The following SMTN variants were observed in gnomAD, a reference collection of about 807,000 sequenced individuals.
The protein encoded by SMTN is smoothelin.
Under a neutral mutation model 102.0 loss-of-function variants are expected in SMTN, and 58 were observed. The ratio of observed to expected loss-of-function variants is 0.57; its 90% CI spans 0.46 to 0.71. The LOEUF (loss-of-function observed/expected upper bound fraction) is 0.71. SMTN is among the 30% of genes least tolerant of loss of function. The pLI, the probability that SMTN is intolerant of heterozygous loss-of-function variation, is 0.00. For synonymous variants in SMTN, 478 were observed against 497.9 expected (o/e 0.96, Z 0.53); for missense variants, 1,185 against 1,241.7 (o/e 0.95, Z 0.69).
intron 11 of SMTN, chr22:31,093,866 GC>G: frequency 6.4e-7 from 1 of 1,573,272 alleles, no homozygotes; most frequent in Non-Finnish European, 8.6e-7. Flanking sequence ...ACCACCCGCA[GC>G]ACTAGTCTCG....
At chr22:31,094,177 T>C (rs951265307) in intron 11 of SMTN, among the ~76,000 whole-genome samples, 3 of 152,164 alleles carry the variant, frequency 2.0e-5, no homozygotes, top group Non-Finnish European at 4.4e-5. Flanking sequence ...CTTACCCTTA[T>C]AGCAGACGGA....
In SMTN at chr22:31,090,889, AT is replaced by A; in HGVS notation, c.937+12del. On this transcript the variant is annotated intron_variant, in intron 9 of 20. Coordinates refer to ENST00000333137, the MANE Select transcript of SMTN (RefSeq NM_134269.3). ...CCAGCCCAGAACCGAGGTACTACCT[AT>A]TCTCACCCTGCCTAGGATCTGTGCA... The A allele has an allele frequency of 6.2e-7, 1 of 1,613,680 alleles. No homozygotes were observed. Among genetic ancestry groups the A allele is most frequent in the South Asian group, 1.1e-5 (1 of 91,068 alleles).
rs766345930 is a variant in SMTN, at chr22:31,091,492, C to T, written c.1459+10C>T. ...GGCAACCAGAGGGCAGGTAGGCGCC[C>T]CCCACTGCCTCCCCAATGGGGATGA... On this transcript the variant is annotated intron_variant, in intron 10 of 20. Coordinates refer to ENST00000333137, the MANE Select transcript of SMTN (RefSeq NM_134269.3). 2.6e-6 allele frequency: 4 copies of T among 1,518,190 alleles called. No individual in the cohort carries two copies. Among genetic ancestry groups the T allele is most frequent in the Non-Finnish European group, 2.6e-6 (3 of 1,136,854 alleles). 94.0% of individuals were successfully genotyped at this position (1,518,190 alleles called of 1,614,324 possible). A position where few individuals can be genotyped will look rare whatever the true frequency, so the allele number is the denominator to read the frequency against.
At chr22:31,080,974 A>C (rs2042266683), upstream of SMTN, among the ~76,000 whole-genome samples, 1 of 151,982 alleles carries the variant, frequency 6.6e-6, no homozygotes, top group Admixed American at 6.5e-5. Flanking sequence ...CTCAGGAACA[A>C]AGAGGAGGGC....
At position 31,083,193 on chromosome 22, in the gene SMTN, G is replaced by A; in HGVS notation, c.-66G>A. 3.2e-6 allele frequency: 5 copies of A among 1,576,934 alleles called. No individual in the cohort carries two copies. Among genetic ancestry groups the A allele is most frequent in the Non-Finnish European group, 3.4e-6 (4 of 1,162,024 alleles). The stretch of plus-strand genomic sequence containing the variant: ...GTCCCCTGCAGAATTCTCTGAGCTG[G>A]TGACAGGTGCCACAGGCACTGGGGA... On this transcript the variant is annotated 5_prime_UTR_variant, in exon 2 of 21. In the 5' UTR this introduces an upstream ATG that the reference lacks. Coordinates refer to ENST00000333137, the MANE Select transcript of SMTN (RefSeq NM_134269.3).
rs540363601 is a variant in SMTN at position 31,100,894 on chromosome 22, G to A, written c.2613G>A (p.Ala871=). 1.3e-4 allele frequency: 194 copies of A among 1,485,668 alleles called. 1 individual carries two copies. In the Admixed American group the frequency reaches 2.2e-3, roughly 17 times the overall value. The allele number at this position is 1,485,668 out of a possible 1,614,324, so 92.0% of individuals were successfully genotyped here. The part of the protein sequence containing the change: ...EVAFSSAETH[A]DCPQLLDTED... The stretch of plus-strand genomic sequence containing the variant: ...CCCCTACCCTCCCCAGGACCCATGC[G>A]GACTGCCCGCAGCTCCTGGATACAG... Residue 871 remains alanine (A), a synonymous_variant, in exon 20 of 21, where the codon GCG becomes GCA. Coordinates refer to ENST00000333137, the MANE Select transcript of SMTN (RefSeq NM_134269.3).
At chr22:31,089,150 G>C (rs1345143151) in intron 6 of SMTN, among the ~76,000 whole-genome samples, 181 bp downstream of exon 6, 1 of 152,196 alleles carries the variant, frequency 6.6e-6, no homozygotes, top group Non-Finnish European at 1.5e-5. Context: ...CACCTCCCCT[G>C]CTTCAACCCG....
chr22:31,095,328 T>C lies in SMTN; in HGVS notation c.1658T>C (p.Leu553Pro). 1 of 1,614,020 alleles carries C rather than the reference T, an allele frequency of 6.2e-7. No individual in the cohort carries two copies. The highest frequency in any genetic ancestry group is 8.5e-7 in the Non-Finnish European group (1 of 1,180,020). ...IKMEAEPAEPLAAAVEAANGA... is the reference protein window; with the variant it reads ...IKMEAEPAEPPAAAVEAANGA... Reference sequence around the variant, plus strand: ...ATGGAAGCAGAGCCAGCAGAGCCTCTCGCTGCAGCAGTGGAAGCGGCCAAT... The same window carrying C: ...ATGGAAGCAGAGCCAGCAGAGCCTCCCGCTGCAGCAGTGGAAGCGGCCAAT... Residue 553 changes from leucine (L) to proline (P), a missense_variant, in exon 12 of 21, where the codon CTC (leucine) becomes CCC (proline). Transcript: ENST00000333137. The surrounding 1 kb of genome is among the most constrained non-coding windows in gnomAD (Gnocchi z 4.1).
At chr22:31,101,305 GCCC>G (rs1251107194) in intron 20 of SMTN, 1 of 441,326 alleles carries the variant, frequency 2.3e-6, no homozygotes, top group Admixed American at 3.5e-5. Context: ...GCAGGTCTGG[GCCC>G]CCCATCTGAA....
chr22:31,093,876 C>G (rs745556466), intron 11 of SMTN: 7 of 1,558,142 alleles, frequency 4.5e-6, no homozygotes, highest in Non-Finnish European at 6.1e-6. Context: ...GCACTAGTCT[C>G]GTAAGTGCTT....
Position 31,065,193 on chromosome 22 carries a change from T to C in SMTN, c.-386+1006T>C, listed in dbSNP as rs190681223. The C allele has an allele frequency of 1.1e-4, 16 of 152,240 alleles. No individual in the cohort carries two copies. In the East Asian group the frequency reaches 2.9e-3, roughly 28 times the overall value. The allele number at this position is 152,240 out of a possible 1,614,324, so 9.4% of individuals were successfully genotyped here. A position where few individuals can be genotyped will look rare whatever the true frequency, so the allele number is the denominator to read the frequency against. ...GGCTACTTTCTGTTGATATGACTTA[T>C]TACTGGGCATGTTAACACTGATCAT... On this transcript the variant is annotated intron_variant, in intron 1 of 3. Coordinates refer to the SMTN transcript ENST00000422839.
Position 31,089,866 on chromosome 22 carries a change from TC to T in SMTN, c.641del (p.Pro214LeufsTer143). On this transcript the variant is annotated frameshift_variant, in exon 7 of 21. Transcript: ENST00000333137. LOFTEE classifies it high-confidence loss of function. ...SPSSSPTPASPEPPLEPAEAQ... is the reference protein window; with the variant it reads ...SPSSSPTPASXEPPLEPAEAQ... ...CCAGCAGTTCACCCACCCCTGCCTCTCCTGAGCCTCCATTGGAGCCTGCCGA... is the reference window on the plus strand; with the variant it reads ...CCAGCAGTTCACCCACCCCTGCCTCTCTGAGCCTCCATTGGAGCCTGCCGA... 6.2e-7 allele frequency: 1 copy of T among 1,613,624 alleles called. No individual in the cohort carries two copies. The highest frequency in any genetic ancestry group is 8.5e-7 in the Non-Finnish European group (1 of 1,179,878).
At chr22:31,104,265 A>G in intron 20 of SMTN, 51 bp from the exon 21 acceptor site, 2 of 1,603,082 alleles carry the variant, frequency 1.2e-6, no homozygotes, top group Non-Finnish European at 1.7e-6. Context: ...GAGGGGCGCC[A>G]CGAGAGGCGG....
chr22:31,065,375 A>C (rs552517762), intron 1 of SMTN: 3 of 151,932 alleles, frequency 2.0e-5, no homozygotes, highest in Admixed American at 2.0e-4. Flanking sequence ...TTGAAATGAA[A>C]TCTCCTTCTG....
intron 1 of SMTN, chr22:31,068,316 AAT>A (rs1447752687): frequency 3.3e-5 from 5 of 151,960 alleles, no homozygotes; most frequent in African/African-American, 7.3e-5. Context: ...AAAAAAAAAA[AAT>A]GTTTTAAAGG....
At chr22:31,103,055 A>G (rs2044224478) in intron 20 of SMTN, 1 of 152,246 alleles carries the variant, frequency 6.6e-6, no homozygotes, top group South Asian at 2.1e-4. Context: ...TCTAGCACCC[A>G]CAACTGGTTA....
Position 31,099,101 on chromosome 22 carries a change from C to T in SMTN, c.2373C>T (p.Thr791=). The T allele has an allele frequency of 6.2e-7, 1 of 1,613,214 alleles. No homozygotes were observed. The highest frequency in any genetic ancestry group is 8.5e-7 in the Non-Finnish European group (1 of 1,179,956). Residue 791 remains threonine (T), a synonymous_variant, in exon 18 of 21, where the codon ACC becomes ACT. Coordinates refer to ENST00000333137, the MANE Select transcript of SMTN (RefSeq NM_134269.3). ...CCCGCGCAGCCGTGCAGCGATCCACCAGCTTCGGGGTCCCCAACGCCAACA... is the reference window on the plus strand; with the variant it reads ...CCCGCGCAGCCGTGCAGCGATCCACTAGCTTCGGGGTCCCCAACGCCAACA... The part of the protein sequence containing the change: ...GGPRAAVQRS[T]SFGVPNANSI...
chr22:31,095,874 C>T lies in SMTN; in HGVS notation c.1861+265C>T. 1 of 530,436 alleles carries T rather than the reference C, an allele frequency of 1.9e-6. No individual in the cohort carries two copies. Among genetic ancestry groups the T allele is most frequent in the East Asian group, 3.4e-5 (1 of 29,774 alleles). 32.9% of individuals were successfully genotyped at this position (530,436 alleles called of 1,614,324 possible). A position where few individuals can be genotyped will look rare whatever the true frequency, so the allele number is the denominator to read the frequency against. On this transcript the variant is annotated intron_variant, in intron 13 of 20. Coordinates refer to ENST00000333137, the MANE Select transcript of SMTN (RefSeq NM_134269.3). The surrounding 1 kb of genome is among the most constrained non-coding windows in gnomAD (Gnocchi z 4.1). ...TAGACCCAGATACTCCCTCCCGCAGCTACTCTCTCCTTGGATCCAGTTGCC... is the reference window on the plus strand; with the variant it reads ...TAGACCCAGATACTCCCTCCCGCAGTTACTCTCTCCTTGGATCCAGTTGCC...
In SMTN at chr22:31,069,231, C is replaced by G. The variant is rs2006301; in HGVS notation, c.-386+5044C>G. On this transcript the variant is annotated intron_variant, in intron 1 of 3. Coordinates refer to the SMTN transcript ENST00000422839. ...GATCCTTATTGGTCCTTGGTGGTAA[C>G]TAGGGCGCTCTCTTCCAGGATCCTT... Among the ~76,000 whole-genome samples, 25 of 151,850 alleles carry G rather than the reference C, an allele frequency of 1.6e-4. No homozygotes were observed. In the East Asian group the frequency reaches 3.9e-3, roughly 24 times the overall value.
Sources: gnomAD v4.1 joint callset for allele counts (sites outside exome capture counted in the v4.1 genomes callset) on GRCh38, gnomAD v4.1.1 for gene constraint, Gnocchi (gnomAD v3.1) non-coding constraint, MANE v1.5 for transcripts, NCBI Gene and HGNC (gene_info 2026-07-23, HGNC 2026-07-21) for gene names.